The following SRPK1 variants were observed in gnomAD, a reference collection of about 807,000 sequenced individuals.
SRPK1 encodes SFRS protein kinase 1.
SRPK1 carries 52 observed loss-of-function variants against 89.5 expected under a neutral mutation model. The observed-to-expected ratio is 0.58, with a 90% CI of 0.46 to 0.73. The LOEUF (loss-of-function observed/expected upper bound fraction) is 0.73. Ranked by LOEUF, SRPK1 falls within the 30% of genes least tolerant of loss-of-function variation. SRPK1 has a pLI of 0.00. For missense variants in SRPK1, 603 were observed against 780.6 expected, an observed-to-expected ratio of 0.77 and a Z score of 2.71; for synonymous variants, 255 against 270.2, an observed-to-expected ratio of 0.94 and a Z score of 0.55.
At chr6:35,910,207 T>C (rs571407034) in intron 2 of SRPK1, among the ~76,000 whole-genome samples, 131 of 152,312 alleles carry the variant, frequency 8.6e-4, no homozygotes, top group African/African-American at 3.1e-3. Context: ...GGTCTCGAAC[T>C]CCCGACCTCA....
intron 13 of SRPK1, among the ~76,000 whole-genome samples, chr6:35,855,255 T>C (rs917407037): frequency 1.3e-5 from 2 of 151,976 alleles, no homozygotes; most frequent in Non-Finnish European, 2.9e-5. Flanking sequence ...TGAGCCAAGA[T>C]TGCGCCACTG....
chr6:35,911,423 G>A (rs756902554), intron 2 of SRPK1, among the ~76,000 whole-genome samples: 1 of 152,000 alleles, frequency 6.6e-6, no homozygotes, highest in Non-Finnish European at 1.5e-5. Flanking sequence ...TGATGAGAAA[G>A]TGGTTACTTG....
chr6:35,856,883 A>C, intron 13 of SRPK1: 1 of 162,638 alleles, frequency 6.1e-6, no homozygotes, highest in Non-Finnish European at 1.3e-5. Flanking sequence ...GAGCTGCTGA[A>C]TTGTACAAAA....
At chr6:35,857,194 T>C in intron 13 of SRPK1, 67 bp downstream of exon 13, 1 of 1,172,088 alleles carries the variant, frequency 8.5e-7, no homozygotes, top group Non-Finnish European at 1.2e-6. Context: ...GCTGGTTTAC[T>C]GAAATTAGCA....
intron 2 of SRPK1, among the ~76,000 whole-genome samples, chr6:35,905,734 T>C (rs942153962): frequency 1.3e-5 from 2 of 152,208 alleles, no homozygotes; most frequent in East Asian, 3.8e-4. Flanking sequence ...TGTGTATATA[T>C]TGTAGGAAAA....
At chr6:35,846,525 C>T (rs1019276023) in intron 13 of SRPK1, among the ~76,000 whole-genome samples, 6 of 147,242 alleles carry the variant, frequency 4.1e-5, no homozygotes, top group Non-Finnish European at 7.4e-5. Context: ...CTCCAACCTG[C>T]GTCCTGCATG....
intron 2 of SRPK1, among the ~76,000 whole-genome samples, chr6:35,907,725 A>T (rs528965600): frequency 6.6e-6 from 1 of 152,236 alleles, no homozygotes; most frequent in African/African-American, 2.4e-5. Flanking sequence ...AAAATAAAAA[A>T]TAAAAAATAA....
intron 13 of SRPK1, among the ~76,000 whole-genome samples, chr6:35,848,297 C>T (rs1769467856): frequency 6.6e-6 from 1 of 152,178 alleles, no homozygotes; most frequent in Non-Finnish European, 1.5e-5. Context: ...TGGCTCACGC[C>T]TGTAATCCCA....
At chr6:35,912,120 G>A (rs192601920) in intron 2 of SRPK1, among the ~76,000 whole-genome samples, 1 of 152,066 alleles carries the variant, frequency 6.6e-6, no homozygotes, top group Admixed American at 6.6e-5. Context: ...GACTGCTTGA[G>A]GCCAAGAATT....
intron 12 of SRPK1, among the ~76,000 whole-genome samples, chr6:35,864,249 A>G (rs1769847033): frequency 6.6e-6 from 1 of 152,210 alleles, no homozygotes; most frequent in Admixed American, 6.5e-5. Flanking sequence ...AACAAAGTGA[A>G]GAGACAACCC....
chr6:35,845,536 A>C (rs1213804628), intron 13 of SRPK1, among the ~76,000 whole-genome samples: 2 of 152,238 alleles, frequency 1.3e-5, no homozygotes, highest in Non-Finnish European at 2.9e-5. Context: ...TGCATGGAAA[A>C]GTTAAAACAA....
intron 12 of SRPK1, 76 bp from the exon 13 acceptor site, chr6:35,857,444 T>C (rs185122530): frequency 8.3e-7 from 1 of 1,199,138 alleles, no homozygotes; most frequent in Non-Finnish European, 1.2e-6. Context: ...ATAATGGAGA[T>C]GAAAATAAAC....
At chr6:35,841,439 T>C (rs538686376) in intron 14 of SRPK1, among the ~76,000 whole-genome samples, 97 of 152,316 alleles carry the variant, frequency 6.4e-4, no homozygotes, top group Non-Finnish European at 1.2e-3. Context: ...GCACAAAAAG[T>C]AAAGAACATG....
chr6:35,869,450 G>C, intron 11 of SRPK1, 32 bp downstream of exon 11: 2 of 1,595,714 alleles, frequency 1.3e-6, no homozygotes, highest in Non-Finnish European at 1.7e-6. Context: ...GTGCAGGGAA[G>C]GAGTGTTGAG....
chr6:35,860,331 A>T (rs1769754665), intron 12 of SRPK1, among the ~76,000 whole-genome samples: 2 of 152,220 alleles, frequency 1.3e-5, no homozygotes, highest in East Asian at 3.8e-4. Context: ...ATGGGTTATC[A>T]CAGGGTGTGA....
chr6:35,865,702 C>G (rs1457619563), intron 12 of SRPK1, among the ~76,000 whole-genome samples: 1 of 152,146 alleles, frequency 6.6e-6, no homozygotes, highest in Non-Finnish European at 1.5e-5. Flanking sequence ...AAAAAGACAT[C>G]CTTTTCAATA....
At chr6:35,878,700 T>C (rs1214363690) in intron 6 of SRPK1, among the ~76,000 whole-genome samples, 1 of 152,230 alleles carries the variant, frequency 6.6e-6, no homozygotes, top group Non-Finnish European at 1.5e-5. Context: ...GCCCCTCTTC[T>C]GGCTCAAGTG....
chr6:35,907,455 C>G (rs966083004), intron 2 of SRPK1, among the ~76,000 whole-genome samples: 5 of 152,060 alleles, frequency 3.3e-5, no homozygotes, highest in African/African-American at 1.2e-4. Context: ...CCTGTAATCC[C>G]AGCACTTTGA....
chr6:35,842,199 T>C (rs1434969963), intron 14 of SRPK1, among the ~76,000 whole-genome samples: 1 of 152,138 alleles, frequency 6.6e-6, no homozygotes, highest in East Asian at 1.9e-4. Context: ...GGAGGCATAA[T>C]TGAGCAACAG....
Sources: gnomAD v4.1 joint callset for allele counts (sites outside exome capture counted in the v4.1 genomes callset) on GRCh38, gnomAD v4.1.1 for gene constraint, MANE v1.5 for transcripts, NCBI Gene and HGNC (gene_info 2026-07-23, HGNC 2026-07-21) for gene names.